ARID3A: variants seen among roughly 807,000 people sequenced by gnomAD.
ARID3A encodes the protein AT-rich interactive domain-containing protein 3A.
In ARID3A, 11 loss-of-function variants were observed where a neutral mutation model predicts 52.7. That is an observed-to-expected ratio of 0.21 (90% CI 0.13 to 0.35). ARID3A has a LOEUF of 0.35. Ranked by LOEUF, ARID3A falls within the 10% of genes least tolerant of loss-of-function variation. The pLI, the probability that ARID3A is intolerant of heterozygous loss-of-function variation, is 1.00. For synonymous variants in ARID3A, 404 were observed against 359.4 expected (o/e 1.12, Z -1.40); for missense variants, 721 against 838.5 (o/e 0.86, Z 1.73).
Position 964,833 on chromosome 19 carries a change from A to G in ARID3A, c.951A>G (p.Gln317=). The change falls in exon 6 of 9, where the codon CAA becomes CAG. Residue 317 remains glutamine, a splice_region_variant and synonymous_variant. Transcript: ENST00000263620. This position sits in a 1 kb window ranked among gnomAD's most constrained non-coding sequence, Gnocchi z 5.7. ...TCCTCTTCCCTCGTCCCACCCACAG[A>G]TACATGAAGTACCTGTACCCCTACG... is the stretch of plus-strand genomic sequence containing the variant. ...ITSAAFTLRT[Q]YMKYLYPYEC... 1 of 1,611,352 alleles carries G rather than the reference A, an allele frequency of 6.2e-7. No individual in the cohort carries two copies. Among genetic ancestry groups the G allele is most frequent in the Non-Finnish European group, 8.5e-7 (1 of 1,177,782 alleles).
chr19:933,936 C>T (rs1364833930), intron 3 of ARID3A, among the ~76,000 whole-genome samples: 3 of 151,876 alleles, frequency 2.0e-5, no homozygotes, highest in East Asian at 3.9e-4. Context: ...GCCACACTGC[C>T]GCGCGTCCCA....
At chr19:963,523 G>C (rs1373375021) in intron 4 of ARID3A, among the ~76,000 whole-genome samples, 2 of 152,190 alleles carry the variant, frequency 1.3e-5, no homozygotes, top group East Asian at 1.9e-4. Flanking sequence ...AGCCCTGGAG[G>C]GGGCAGGTAG....
chr19:936,643 C>A (rs2037444797), intron 3 of ARID3A, among the ~76,000 whole-genome samples: 1 of 151,944 alleles, frequency 6.6e-6, no homozygotes, highest in Non-Finnish European at 1.5e-5. Flanking sequence ...GAGATCGAGA[C>A]CATCCTGGCT....
intron 8 of ARID3A, among the ~76,000 whole-genome samples, chr19:971,030 C>T (rs930635517): frequency 5.9e-5 from 9 of 152,330 alleles, no homozygotes; most frequent in Admixed American, 1.3e-4. Flanking sequence ...CTAGGGGTCT[C>T]GCAACCCCAC....
At position 972,668 on chromosome 19, in the gene ARID3A, G is replaced by C. The variant is rs1287187793; in HGVS notation, c.*603G>C. On this transcript the variant is annotated 3_prime_UTR_variant, in exon 9 of 9. Coordinates refer to ENST00000263620, the MANE Select transcript of ARID3A (RefSeq NM_005224.3). ...TGTAGGGTTTTTAAGAGGTTTCGGG[G>C]GTTTTGTTGTGTAAATATTCTATTT... 2 of 220,122 alleles carry C rather than the reference G, an allele frequency of 9.1e-6. No homozygotes were observed. The highest frequency in any genetic ancestry group is 2.3e-5 in the African/African-American group (1 of 44,064). The allele number at this position is 220,122 out of a possible 1,614,324, so 13.6% of individuals were successfully genotyped here.
chr19:968,049 A>G (rs139179058), intron 7 of ARID3A, among the ~76,000 whole-genome samples: 13,310 of 148,186 alleles, frequency 0.09, 718 homozygotes, highest in South Asian at 0.27. Context: ...CGTCTCAAAA[A>G]AAAAAAAAAA....
At chr19:928,012 T>A (rs2037237003) in intron 1 of ARID3A, among the ~76,000 whole-genome samples, 1 of 151,988 alleles carries the variant, frequency 6.6e-6, no homozygotes, top group Non-Finnish European at 1.5e-5. Flanking sequence ...CTTGGGGGTG[T>A]CTGCTGTGCA....
Position 965,212 on chromosome 19 carries a change from T to G in ARID3A, c.1198+132T>G, listed in dbSNP as rs2038124134. On this transcript the variant is annotated intron_variant, in intron 6 of 8. Coordinates refer to ENST00000263620, the MANE Select transcript of ARID3A (RefSeq NM_005224.3). ...CCCTATAGTTGGCATGGAAAAGGGC[T>G]TCCAATCTACCAGTCCTCTGCCTAT... 2.8e-6 allele frequency: 3 copies of G among 1,088,070 alleles called. No individual in the cohort carries two copies. In the African/African-American group the frequency reaches 4.8e-5, roughly 17 times the overall value. The allele number at this position is 1,088,070 out of a possible 1,614,324, so 67.4% of individuals were successfully genotyped here. A position where few individuals can be genotyped will look rare whatever the true frequency, so the allele number is the denominator to read the frequency against.
At chr19:968,273 G>A (rs1291018132) in intron 7 of ARID3A, 132 bp from the exon 8 acceptor site, 9 of 635,316 alleles carry the variant, frequency 1.4e-5, no homozygotes, top group Admixed American at 6.2e-5. Context: ...GCAGGAGAAT[G>A]GCGTGAACCC....
chr19:953,563 A>G (rs2037850723), intron 3 of ARID3A, among the ~76,000 whole-genome samples: 2 of 152,238 alleles, frequency 1.3e-5, no homozygotes, highest in South Asian at 4.1e-4. Flanking sequence ...TGTGTCTTGC[A>G]GATCCGTGTA....
Position 941,635 on chromosome 19 carries a change from G to C in ARID3A, c.693+8893G>C, listed in dbSNP as rs1466945113. Among the ~76,000 whole-genome samples, 4 of 152,136 alleles carry C rather than the reference G, an allele frequency of 2.6e-5. No individual in the cohort carries two copies. Among genetic ancestry groups the C allele is most frequent in the Admixed American group, 2.6e-4 (4 of 15,268 alleles). On this transcript the variant is annotated intron_variant, in intron 3 of 8. Transcript: ENST00000263620. This position sits in a 1 kb window ranked among gnomAD's most constrained non-coding sequence, Gnocchi z 6.9. Reference sequence around the variant, plus strand: ...GTGTGTGCATTTTTTTAACTATAAAGATGGGGTCTTGCCATCATGTTGCCC... The same window carrying C: ...GTGTGTGCATTTTTTTAACTATAAACATGGGGTCTTGCCATCATGTTGCCC...
chr19:957,115 G>T (rs936298675), intron 3 of ARID3A, among the ~76,000 whole-genome samples: 21 of 474 alleles, frequency 0.044, no homozygotes, highest in East Asian at 0.4. Flanking sequence ...CCTGTGGGTG[G>T]GGGGGGGCGC....
rs916135334 is a variant in ARID3A, at chr19:932,640, G to T, written c.591G>T (p.Arg197=). Residue 197 remains arginine (R), a synonymous_variant, in exon 3 of 9, where the codon CGG becomes CGT. Transcript: ENST00000263620. ...GVPRVLGGQE[R]PGPGPAHPGG... is the part of the protein sequence containing the mutation. The stretch of plus-strand genomic sequence containing the variant: ...CCAGGGTGCTGGGGGGCCAGGAGCG[G>T]CCGGGGCCTGGCCCTGCCCACCCCG... The T allele has an allele frequency of 1.9e-6, 3 of 1,539,402 alleles. No homozygotes were observed. Among genetic ancestry groups the T allele is most frequent in the Admixed American group, 4.1e-5 (2 of 49,048 alleles).
At chr19:937,697 G>A (rs556428372) in intron 3 of ARID3A, among the ~76,000 whole-genome samples, 7 of 136,364 alleles carry the variant, frequency 5.1e-5, no homozygotes, top group Admixed American at 3.0e-4. Flanking sequence ...TGTTATTGTC[G>A]ACTTTTTTTT....
chr19:940,329 G>A (rs547868109), intron 3 of ARID3A, among the ~76,000 whole-genome samples: 89 of 152,102 alleles, frequency 5.9e-4, no homozygotes, highest in African/African-American at 1.9e-3. Flanking sequence ...CTCATCGTGC[G>A]CTAAGAAATG....
intron 2 of ARID3A, among the ~76,000 whole-genome samples, chr19:931,011 A>T (rs2037315578): frequency 6.7e-6 from 1 of 149,612 alleles, no homozygotes. Context: ...GCAAGCAAAG[A>T]TGCTGGGCGC....
chr19:936,259 T>A (rs2037437008), intron 3 of ARID3A, among the ~76,000 whole-genome samples: 1 of 152,226 alleles, frequency 6.6e-6, no homozygotes, highest in Non-Finnish European at 1.5e-5. Context: ...ACTGTTTTAA[T>A]TGTACGATTG....
intron 3 of ARID3A, among the ~76,000 whole-genome samples, chr19:943,720 C>T (rs183371480): frequency 9.8e-5 from 15 of 152,354 alleles, no homozygotes; most frequent in African/African-American, 3.4e-4. Flanking sequence ...GGACCCTCCC[C>T]TGGAGCCCCA....
chr19:932,776 A>C (rs1182570939), intron 3 of ARID3A, 34 bp downstream of exon 3: 2 of 1,545,458 alleles, frequency 1.3e-6, no homozygotes, highest in Admixed American at 2.0e-5. Context: ...CGGCTGAGGC[A>C]CCTGCTCCTG....
Sources: gnomAD v4.1 joint callset for allele counts (sites outside exome capture counted in the v4.1 genomes callset) on GRCh38, gnomAD v4.1.1 for gene constraint, Gnocchi (gnomAD v3.1) non-coding constraint, MANE v1.5 for transcripts, NCBI Gene and HGNC (gene_info 2026-07-23, HGNC 2026-07-21) for gene names.